The following RBM26 variants were observed in gnomAD, a reference collection of about 807,000 sequenced individuals.
The protein encoded by RBM26 is RNA-binding protein 26.
In RBM26, 30 loss-of-function variants were observed where a neutral mutation model predicts 123.6. That is an observed-to-expected ratio of 0.24 (90% CI 0.18 to 0.33). The LOEUF (loss-of-function observed/expected upper bound fraction) is 0.33. Ranked by LOEUF, RBM26 falls within the 10% of genes least tolerant of loss-of-function variation. The pLI is 1.00. For synonymous variants in RBM26, 400 were observed against 404.4 expected (o/e 0.99, Z 0.13); for missense variants, 947 against 1,203.6 (o/e 0.79, Z 3.15).
At chr13:79,311,924 A>C (rs1009684266) in exon 5 of RBM26, 4 of 152,110 alleles carry the variant, frequency 2.6e-5, no homozygotes, top group Non-Finnish European at 5.9e-5. Flanking sequence ...AATAATAAAA[A>C]TGTTGACAAC....
At chr13:79,384,162 A>G (rs894999123) in intron 1 of RBM26, among the ~76,000 whole-genome samples, 4 of 152,184 alleles carry the variant, frequency 2.6e-5, no homozygotes, top group Non-Finnish European at 5.9e-5. Flanking sequence ...CTATGAAGTC[A>G]TTCACATCAA....
At chr13:79,312,483 A>C (rs1358648356) in exon 5 of RBM26, 1 of 151,994 alleles carries the variant, frequency 6.6e-6, no homozygotes, top group African/African-American at 2.4e-5. Flanking sequence ...TTTACAACTC[A>C]CCAAATGTTC....
intron 1 of RBM26, among the ~76,000 whole-genome samples, chr13:79,382,877 A>C (rs1404318235): frequency 6.6e-6 from 1 of 152,184 alleles, no homozygotes; most frequent in Admixed American, 6.5e-5. Context: ...AAAATGACCA[A>C]GATGGTAAAT....
At chr13:79,355,017 T>C (rs996473080) in intron 12 of RBM26, among the ~76,000 whole-genome samples, 7 of 152,228 alleles carry the variant, frequency 4.6e-5, no homozygotes, top group African/African-American at 1.7e-4. Context: ...TGCTGTTCTT[T>C]CAACTAGCAA....
intron 3 of RBM26, among the ~76,000 whole-genome samples, chr13:79,372,528 T>G (rs920015756): frequency 1.5e-4 from 22 of 151,104 alleles, no homozygotes; most frequent in African/African-American, 5.1e-4. Context: ...TATGCTCATT[T>G]AACATAATTA....
At chr13:79,366,921 T>C (rs200203462) in intron 6 of RBM26, 49 bp from the exon 7 acceptor site, 845 of 1,448,010 alleles carry the variant, frequency 5.8e-4, no homozygotes, top group Non-Finnish European at 7.5e-4. Flanking sequence ...ACTGGAAATA[T>C]ATATTTTCTC....
intron 19 of RBM26, among the ~76,000 whole-genome samples, chr13:79,335,975 C>A (rs968863390): frequency 2.0e-5 from 3 of 151,924 alleles, no homozygotes; most frequent in African/African-American, 7.2e-5. Flanking sequence ...TTAAATCCAC[C>A]AAGAACAGGA....
chr13:79,350,848 A>T (rs2073115665), intron 14 of RBM26, among the ~76,000 whole-genome samples: 1 of 152,108 alleles, frequency 6.6e-6, no homozygotes, highest in Non-Finnish European at 1.5e-5. Flanking sequence ...AAACCCCCTA[A>T]GGATTAGGGG....
chr13:79,329,722 A>C (rs1039813852), intron 20 of RBM26, among the ~76,000 whole-genome samples: 1 of 152,186 alleles, frequency 6.6e-6, no homozygotes, highest in South Asian at 2.1e-4. Flanking sequence ...ATCAAGCTAT[A>C]TCAAAATATG....
At chr13:79,368,263 T>G (rs796951570) in intron 6 of RBM26, among the ~76,000 whole-genome samples, 1 of 152,178 alleles carries the variant, frequency 6.6e-6, no homozygotes, top group South Asian at 2.1e-4. Context: ...CCTGACCTCA[T>G]GATCCACCCA....
intron 4 of RBM26, 58 bp downstream of exon 4, chr13:79,371,784 A>G: frequency 8.2e-7 from 1 of 1,223,298 alleles, no homozygotes; most frequent in Non-Finnish European, 1.2e-6. Flanking sequence ...AAGTCTAAAC[A>G]TTTGTATAAA....
At chr13:79,357,957 G>A (rs1240262554) in intron 11 of RBM26, among the ~76,000 whole-genome samples, 2 of 147,308 alleles carry the variant, frequency 1.4e-5, no homozygotes, top group South Asian at 2.1e-4. Flanking sequence ...ATCTCGGCTC[G>A]CTGCAACCTT....
chr13:79,384,345 T>C (rs533861460), intron 1 of RBM26, among the ~76,000 whole-genome samples: 4 of 151,862 alleles, frequency 2.6e-5, no homozygotes, highest in Admixed American at 1.3e-4. Flanking sequence ...ATTGAAACCT[T>C]GAACTCCTGC....
intron 3 of RBM26, among the ~76,000 whole-genome samples, chr13:79,375,931 T>C (rs2076635068): frequency 6.6e-6 from 1 of 151,988 alleles, no homozygotes. Flanking sequence ...GAACCTACCA[T>C]GTGCCACATG....
intron 16 of RBM26, among the ~76,000 whole-genome samples, chr13:79,343,739 G>A (rs1446692472): frequency 6.6e-6 from 1 of 151,820 alleles, no homozygotes; most frequent in African/African-American, 2.4e-5. Context: ...TATCCAAAAT[G>A]TGACATTTCA....
intron 3 of RBM26, among the ~76,000 whole-genome samples, chr13:79,372,714 T>C (rs982917023): frequency 8.4e-5 from 12 of 142,502 alleles, no homozygotes; most frequent in African/African-American, 3.1e-4. Flanking sequence ...TATAAATATA[T>C]ATTTACATAT....
chr13:79,359,939 T>C (rs1408204778), intron 9 of RBM26, among the ~76,000 whole-genome samples: 4 of 151,954 alleles, frequency 2.6e-5, no homozygotes. Context: ...TAGTAAACAA[T>C]TCCTAAGTTT....
Position 79,319,911 on chromosome 13 carries a change from TTTTC to T in RBM26, c.*706_*709del, listed in dbSNP as rs1235550434. 2.2e-5 allele frequency: 21 copies of T among 940,104 alleles called. No individual in the cohort carries two copies. The East Asian group carries it at 4.7e-4, about 21-fold the overall frequency. The allele number at this position is 940,104 out of a possible 1,614,324, so 58.2% of individuals were successfully genotyped here. A position where few individuals can be genotyped will look rare whatever the true frequency, so the allele number is the denominator to read the frequency against. The stretch of plus-strand genomic sequence containing the variant: ...TTTAATTTTTTTCTTTTCTTTTTTC[TTTTC>T]TTTTTTTTTTTAAATCAAGGAACAT... On this transcript the variant is annotated 3_prime_UTR_variant, in exon 22 of 22. Coordinates refer to ENST00000438737, the MANE Select transcript of RBM26 (RefSeq NM_001366735.2).
intron 12 of RBM26, 40 bp from the exon 13 acceptor site, chr13:79,354,610 C>T: frequency 6.6e-7 from 1 of 1,524,262 alleles, no homozygotes; most frequent in East Asian, 2.3e-5. Flanking sequence ...TTGATTCATT[C>T]AAAAGGATGG....
Sources: allele counts gnomAD v4.1 joint callset (sites outside exome capture counted in the v4.1 genomes callset), GRCh38; gene constraint gnomAD v4.1.1; transcripts MANE v1.5; gene names NCBI Gene and HGNC (gene_info 2026-07-23, HGNC 2026-07-21).